The following PIK3C2G variants were observed in gnomAD, a reference collection of about 807,000 sequenced individuals.
The protein encoded by PIK3C2G is phosphatidylinositol-4-phosphate 3-kinase catalytic subunit type 2 gamma, also known as phosphatidylinositol 3-kinase C2 domain-containing subunit gamma.
Under a neutral mutation model 181.1 loss-of-function variants are expected in PIK3C2G, and 168 were observed. The ratio of observed to expected loss-of-function variants is 0.93; its 90% CI spans 0.82 to 1.05. The LOEUF (loss-of-function observed/expected upper bound fraction) is 1.05. PIK3C2G is among the 50% of genes least tolerant of loss of function. PIK3C2G has a pLI of 0.00. For synonymous variants in PIK3C2G, 573 were observed against 592.2 expected (o/e 0.97, Z 0.47); for missense variants, 1,869 against 1,732.8 (o/e 1.08, Z -1.40).
rs1297491911 is a variant in PIK3C2G, at chr12:18,254,776, C to T, written c.-79+6694C>T. Among the ~76,000 whole-genome samples, 4 of 151,876 alleles carry T rather than the reference C, an allele frequency of 2.6e-5. No individual in the cohort carries two copies. The East Asian group carries it at 7.7e-4, about 29-fold the overall frequency. The stretch of plus-strand genomic sequence containing the variant: ...CCGAGGCAAGAGAATTGCTTGAACC[C>T]GGGAGGCAGAGGTTGGAGTGAGCCA... On this transcript the variant is annotated intron_variant, in intron 1 of 11. Coordinates refer to the PIK3C2G transcript ENST00000535651.
chr12:18,635,756 T>G (rs1257353037), intron 31 of PIK3C2G, among the ~76,000 whole-genome samples: 1 of 152,156 alleles, frequency 6.6e-6, no homozygotes, highest in Non-Finnish European at 1.5e-5. Flanking sequence ...TTGCAGAACC[T>G]TCTCTTCTTC....
chr12:18,387,019 C>T lies in PIK3C2G; in HGVS notation c.1996-4103C>T, dbSNP rs927882949. Among the ~76,000 whole-genome samples, 9 of 152,106 alleles carry T rather than the reference C, an allele frequency of 5.9e-5. No individual in the cohort carries two copies. The East Asian group carries it at 1.7e-3, about 29-fold the overall frequency. The stretch of plus-strand genomic sequence containing the variant: ...TATTGGCAGCTTCAAACGAAACATG[C>T]CCCAAACGGAGCCCACTTCCTCTCC... On this transcript the variant is annotated intron_variant, in intron 14 of 32. Coordinates refer to ENST00000538779, the MANE Select transcript of PIK3C2G (RefSeq NM_001288772.2).
chr12:18,428,008 G>T (rs184882030), intron 18 of PIK3C2G, among the ~76,000 whole-genome samples: 111 of 152,128 alleles, frequency 7.3e-4, no homozygotes, highest in Middle Eastern at 3.4e-3. Flanking sequence ...GATTTATTGT[G>T]CAGATTATTT....
At chr12:18,300,270 G>C (rs922982331) in intron 5 of PIK3C2G, among the ~76,000 whole-genome samples, 1 of 151,834 alleles carries the variant, frequency 6.6e-6, no homozygotes, top group African/African-American at 2.4e-5. Flanking sequence ...TTGATAAGTT[G>C]TATGTGTTTA....
chr12:18,282,130 A>C lies in PIK3C2G; in HGVS notation c.49A>C (p.Lys17Gln). Residue 17 changes from lysine (K) to glutamine (Q), a missense_variant, in exon 2 of 33, where the codon AAG becomes CAG. Physicochemically the swap from Lys to Gln is moderately conservative, Grantham distance 53. Coordinates refer to ENST00000538779, the MANE Select transcript of PIK3C2G (RefSeq NM_001288772.2). ...TDPNPNESHEKQYEHQEFLFV... is the reference protein window; with the variant it reads ...TDPNPNESHEQQYEHQEFLFV... ...TCCAAATCCTAATGAATCACACGAA[A>C]AGCAGTATGAACACCAAGAATTTCT... The C allele has an allele frequency of 6.2e-7, 1 of 1,608,554 alleles. No individual in the cohort carries two copies. The highest frequency in any genetic ancestry group is 8.5e-7 in the Non-Finnish European group (1 of 1,176,884).
At chr12:18,311,508 A>C (rs1172819677) in intron 5 of PIK3C2G, among the ~76,000 whole-genome samples, 1 of 148,512 alleles carries the variant, frequency 6.7e-6, no homozygotes, top group Non-Finnish European at 1.5e-5. Context: ...ACACACATAT[A>C]TACACCTATA....
At chr12:18,357,682 A>C (rs1344336966) in intron 11 of PIK3C2G, among the ~76,000 whole-genome samples, 2 of 152,214 alleles carry the variant, frequency 1.3e-5, no homozygotes, top group Non-Finnish European at 2.9e-5. Context: ...CTACTAAAAA[A>C]GTTTAATTGT....
chr12:18,655,624 G>A, the PIK3C2G span, among the ~76,000 whole-genome samples: 2 of 152,060 alleles, frequency 1.3e-5, no homozygotes, highest in African/African-American at 4.8e-5. Flanking sequence ...CCTCAGGCAG[G>A]TAGTGAAGGT....
chr12:18,644,760 C>T (rs780377500), intron 32 of PIK3C2G, among the ~76,000 whole-genome samples: 2 of 152,164 alleles, frequency 1.3e-5, no homozygotes, highest in Non-Finnish European at 2.9e-5. Context: ...TACCGCACTA[C>T]ACTATGCTGT....
intron 30 of PIK3C2G, among the ~76,000 whole-genome samples, chr12:18,595,588 G>A (rs1003271732): frequency 6.6e-6 from 1 of 152,048 alleles, no homozygotes; most frequent in African/African-American, 2.4e-5. Flanking sequence ...AGGAATTTAA[G>A]GAATTTATTT....
At chr12:18,276,057 A>G (rs1241273522) in intron 1 of PIK3C2G, among the ~76,000 whole-genome samples, 1 of 152,228 alleles carries the variant, frequency 6.6e-6, no homozygotes, top group Non-Finnish European at 1.5e-5. Flanking sequence ...CAGTAGACAA[A>G]GAAAACAGCA....
chr12:18,568,659 G>T (rs1455290474), intron 29 of PIK3C2G, among the ~76,000 whole-genome samples: 1 of 152,024 alleles, frequency 6.6e-6, no homozygotes, highest in Non-Finnish European at 1.5e-5. Context: ...CTCAAACTCT[G>T]CCAATTTCAA....
chr12:18,703,287 T>C, the PIK3C2G span, among the ~76,000 whole-genome samples: 1 of 152,328 alleles, frequency 6.6e-6, no homozygotes, highest in South Asian at 2.1e-4. Flanking sequence ...TCTGTCTCAG[T>C]TCTATCATCA....
the PIK3C2G span, among the ~76,000 whole-genome samples, chr12:18,697,215 C>G: frequency 6.6e-6 from 1 of 152,056 alleles, no homozygotes; most frequent in African/African-American, 2.4e-5. Flanking sequence ...GCTAAACCAA[C>G]TAGAATAGAA....
At chr12:18,284,134 A>C (rs189446223) in intron 2 of PIK3C2G, among the ~76,000 whole-genome samples, 46 of 152,262 alleles carry the variant, frequency 3.0e-4, no homozygotes, top group Non-Finnish European at 5.6e-4. Flanking sequence ...TGTGCTTGCA[A>C]GCCTTAGTAG....
chr12:18,478,892 T>C (rs539150264), intron 18 of PIK3C2G, among the ~76,000 whole-genome samples: 1 of 151,368 alleles, frequency 6.6e-6, no homozygotes, highest in South Asian at 2.1e-4. Context: ...GGAGGTTCAG[T>C]GGAGCCTGTG....
chr12:18,258,278 A>AT (rs68125582), upstream of PIK3C2G, among the ~76,000 whole-genome samples: 3,149 of 150,276 alleles, frequency 0.021, 107 homozygotes, highest in African/African-American at 0.072. Flanking sequence ...TTCCCATACC[A>AT]TTTTTTTTTT....
intron 16 of PIK3C2G, among the ~76,000 whole-genome samples, chr12:18,401,707 G>T (rs1209508947): frequency 6.6e-6 from 1 of 152,116 alleles, no homozygotes; most frequent in Non-Finnish European, 1.5e-5. Flanking sequence ...CAAAGGCTCT[G>T]CATGGGCATT....
chr12:18,694,107 C>A, the PIK3C2G span: 2 of 1,006,588 alleles, frequency 2.0e-6, no homozygotes, highest in Non-Finnish European at 3.1e-6. Context: ...TAGTGAACTA[C>A]GGCTGCCATC....
Sources: gnomAD v4.1 joint callset for allele counts (sites outside exome capture counted in the v4.1 genomes callset) on GRCh38, gnomAD v4.1.1 for gene constraint, MANE v1.5 for transcripts, NCBI Gene and HGNC (gene_info 2026-07-23, HGNC 2026-07-21) for gene names.